The following SLC26A9 variants were observed in gnomAD, a reference collection of about 807,000 sequenced individuals.
SLC26A9 encodes the protein anion transporter/exchanger protein 9.
In SLC26A9, 46 loss-of-function variants were observed where a neutral mutation model predicts 87.1. That is an observed-to-expected ratio of 0.53 (90% CI 0.42 to 0.67). The LOEUF is 0.67. SLC26A9 is among the 30% of genes least tolerant of loss of function. SLC26A9 has a pLI of 0.00. For synonymous variants in SLC26A9, 437 were observed against 409.1 expected, an observed-to-expected ratio of 1.07 and a Z score of -0.82; for missense variants, 927 against 1,018.3, an observed-to-expected ratio of 0.91 and a Z score of 1.22.
chr1:205,924,860 A>C lies in SLC26A9; in HGVS notation c.1390-371T>G, dbSNP rs150866772. ...GTTGCTCAGGCTGTAGTGCAGTGGC[A>C]AGATCAGCTCACTGGAGCCTCAAAC... On this transcript the variant is annotated intron_variant, in intron 12 of 20. Coordinates refer to ENST00000367135, the MANE Select transcript of SLC26A9 (RefSeq NM_052934.4). 861 of 183,964 alleles carry C rather than the reference A, an allele frequency of 4.7e-3. 4 individuals are homozygous for C. Among genetic ancestry groups the C allele is most frequent in the Middle Eastern group, 7.8e-3 (3 of 386 alleles). 11.4% of individuals were successfully genotyped at this position (183,964 alleles called of 1,614,324 possible). A position where few individuals can be genotyped will look rare whatever the true frequency, so the allele number is the denominator to read the frequency against.
rs1323902446 is a variant in SLC26A9, at chr1:205,915,196, G to A, written c.*161C>T. On this transcript the variant is annotated 3_prime_UTR_variant, in exon 21 of 21. Transcript: ENST00000367135. ...TGAGAGGCTCTCTCTGGAGATGCGGGGAGGGAAGGAAGGGAGGAGAGAGGG... is the reference window on the plus strand; with the variant it reads ...TGAGAGGCTCTCTCTGGAGATGCGGAGAGGGAAGGAAGGGAGGAGAGAGGG... 1.2e-6 allele frequency: 2 copies of A among 1,610,394 alleles called. No individual in the cohort carries two copies. The highest frequency in any genetic ancestry group is 3.3e-5 in the Admixed American group (2 of 59,860).
chr1:205,941,536 C>T (rs983035262), intron 1 of SLC26A9, among the ~76,000 whole-genome samples: 1 of 152,078 alleles, frequency 6.6e-6, no homozygotes, highest in Non-Finnish European at 1.5e-5. Flanking sequence ...CAAATCTCTC[C>T]CTACTCCTCA....
Position 205,934,975 on chromosome 1 carries a change from C to T in SLC26A9, c.125+721G>A, listed in dbSNP as rs1281879372. On this transcript the variant is annotated intron_variant, in intron 2 of 20. Transcript: ENST00000367135. ...CCAGGTAACTGAATCAGCCGTTTCC[C>T]CAAGGGAGTGAGGGAGAGTGAGTTG... Among the ~76,000 whole-genome samples the T allele has an allele frequency of 2.6e-5, 4 of 152,294 alleles. No individual in the cohort carries two copies. The South Asian group carries it at 8.3e-4, about 32-fold the overall frequency.
chr1:205,930,725 C>T (rs578230117), intron 5 of SLC26A9, among the ~76,000 whole-genome samples: 4 of 152,302 alleles, frequency 2.6e-5, no homozygotes, highest in Non-Finnish European at 4.4e-5. Flanking sequence ...ACTTTGCCTG[C>T]GCAGATCACA....
At chr1:205,934,444 C>A (rs573153869) in intron 2 of SLC26A9, among the ~76,000 whole-genome samples, 3 of 152,282 alleles carry the variant, frequency 2.0e-5, no homozygotes, top group East Asian at 1.9e-4. Context: ...AAAAACAACT[C>A]ATTTGAGGGC....
intron 8 of SLC26A9, chr1:205,928,451 C>T: frequency 2.5e-6 from 1 of 395,182 alleles, no homozygotes; most frequent in Non-Finnish European, 4.6e-6. Context: ...CAGCATGGTG[C>T]CTGGCACAGA....
intron 17 of SLC26A9, among the ~76,000 whole-genome samples, chr1:205,921,146 G>C (rs1169869631): frequency 6.6e-6 from 1 of 152,240 alleles, no homozygotes; most frequent in African/African-American, 2.4e-5. Context: ...TGTTTGGCCT[G>C]ATGGTGTGGG....
chr1:205,918,030 A>G (rs1658668001), intron 19 of SLC26A9, among the ~76,000 whole-genome samples: 1 of 152,220 alleles, frequency 6.6e-6, no homozygotes, highest in Non-Finnish European at 1.5e-5. Flanking sequence ...GCAGTCTTTC[A>G]GCACTTAGAA....
At chr1:205,930,204 C>T (rs1659250290) in intron 5 of SLC26A9, 148 bp from the exon 6 acceptor site, 1 of 804,326 alleles carries the variant, frequency 1.2e-6, no homozygotes, top group Non-Finnish European at 1.8e-6. Flanking sequence ...GTGACCTTCA[C>T]CTGCCCTTCA....
chr1:205,926,615 G>A lies in SLC26A9; in HGVS notation c.1309C>T (p.Leu437=), dbSNP rs764336448. ...GAGTTCTTGAGATTGACAGCGATCAGGGCTCCTAGCACAGACTAGAGAAGC... is the reference window on the plus strand; with the variant it reads ...GAGTTCTTGAGATTGACAGCGATCAAGGCTCCTAGCACAGACTAGAGAAGC... The part of the protein sequence containing the change: ...YPLPKSVLGA[L]IAVNLKNSLK... Residue 437 remains leucine, a synonymous_variant, in exon 12 of 21, where the codon CTG becomes TTG. Transcript: ENST00000367135. The A allele has an allele frequency of 3.7e-6, 6 of 1,613,918 alleles. No homozygotes were observed. In the South Asian group the frequency reaches 4.4e-5, roughly 12 times the overall value.
rs1659133058 is a variant in SLC26A9, at chr1:205,927,667, A to T, written c.1102-62T>A. The T allele has an allele frequency of 2.0e-6, 3 of 1,508,838 alleles. 1 individual carries two copies. The Admixed American group carries it at 5.5e-5, about 27-fold the overall frequency. The allele number at this position is 1,508,838 out of a possible 1,614,324, so 93.5% of individuals were successfully genotyped here. A position where few individuals can be genotyped will look rare whatever the true frequency, so the allele number is the denominator to read the frequency against. ...GCTGGGGGGCACGGGGACCAAGTGC[A>T]GTCAGGCATGCAAGCTGGACTGTGG... On this transcript the variant is annotated intron_variant, in intron 9 of 20. Coordinates refer to ENST00000367135, the MANE Select transcript of SLC26A9 (RefSeq NM_052934.4).
chr1:205,916,021 T>A (rs185356764), intron 20 of SLC26A9, among the ~76,000 whole-genome samples: 232 of 152,268 alleles, frequency 1.5e-3, no homozygotes, highest in Middle Eastern at 3.4e-3. Flanking sequence ...TTCTTTTAAT[T>A]CAGGGCATTG....
chr1:205,941,795 A>G (rs1659756504), intron 1 of SLC26A9, among the ~76,000 whole-genome samples: 1 of 152,342 alleles, frequency 6.6e-6, no homozygotes, highest in East Asian at 1.9e-4. Context: ...AAGACTGACA[A>G]GGTCATGGGC....
chr1:205,929,409 C>T lies in SLC26A9; in HGVS notation c.718-53G>A. The T allele has an allele frequency of 1.9e-6, 3 of 1,593,268 alleles. No homozygotes were observed. In the South Asian group the frequency reaches 3.4e-5, roughly 18 times the overall value. ...GCTCCCACCCCTTCTTCCCATAATA[C>T]CCCACCTTTGGGTGTCTGACCCAGG... is the stretch of plus-strand genomic sequence containing the variant. On this transcript the variant is annotated intron_variant, in intron 6 of 20. Transcript: ENST00000367135.
intron 16 of SLC26A9, among the ~76,000 whole-genome samples, chr1:205,922,779 A>G (rs1658896403): frequency 6.6e-6 from 1 of 152,172 alleles, no homozygotes; most frequent in African/African-American, 2.4e-5. Flanking sequence ...GGCACCTGTA[A>G]TCTCAGCGAC....
chr1:205,932,220 A>AC (rs1333722284), intron 4 of SLC26A9, among the ~76,000 whole-genome samples, 185 bp from the exon 5 acceptor site: 7 of 152,204 alleles, frequency 4.6e-5, no homozygotes, highest in African/African-American at 1.7e-4. Flanking sequence ...AGGTGCTTTT[A>AC]CCCCAATGGT....
intron 16 of SLC26A9, among the ~76,000 whole-genome samples, chr1:205,922,851 A>G (rs1261680809): frequency 6.6e-6 from 1 of 152,218 alleles, no homozygotes; most frequent in Non-Finnish European, 1.5e-5. Flanking sequence ...GTGAGCCAAG[A>G]TAACGCCATT....
At chr1:205,935,524 G>T in intron 2 of SLC26A9, 172 bp downstream of exon 2, 2 of 984,182 alleles carry the variant, frequency 2.0e-6, no homozygotes, top group Non-Finnish European at 2.9e-6. Flanking sequence ...CTCCCTGGGG[G>T]TCTCAGTACA....
chr1:205,923,809 A>C (rs1658948367), intron 13 of SLC26A9, among the ~76,000 whole-genome samples, 196 bp from the exon 14 acceptor site: 1 of 152,170 alleles, frequency 6.6e-6, no homozygotes, highest in Non-Finnish European at 1.5e-5. Context: ...TGAGGATGAC[A>C]GGCAGGTCCT....
Sources: gnomAD v4.1 joint callset for allele counts (sites outside exome capture counted in the v4.1 genomes callset) on GRCh38, gnomAD v4.1.1 for gene constraint, MANE v1.5 for transcripts, NCBI Gene and HGNC (gene_info 2026-07-23, HGNC 2026-07-21) for gene names.